Variants in AVEN observed in about 807,000 individuals in gnomAD.
AVEN encodes the protein cell death regulator Aven.
Under a neutral mutation model 38.1 loss-of-function variants are expected in AVEN, and 41 were observed. That is an observed-to-expected ratio of 1.08 (90% CI 0.84 to 1.40). The LOEUF (loss-of-function observed/expected upper bound fraction) is 1.40. AVEN is among the 40% of genes most tolerant of loss of function. The pLI, the probability that AVEN is intolerant of heterozygous loss-of-function variation, is 0.00. For synonymous variants in AVEN, 206 were observed against 171.8 expected (o/e 1.20, Z -1.56); for missense variants, 605 against 438.8 (o/e 1.38, Z -3.38).
chr15:34,029,001 A>G (rs72718678), intron 1 of AVEN, among the ~76,000 whole-genome samples: 23,153 of 152,136 alleles, frequency 0.15, 2,115 homozygotes, highest in Middle Eastern at 0.28. Context: ...TTTATTTACT[A>G]CCTTGAAATA....
At chr15:33,980,854 G>A (rs1012060923) in intron 2 of AVEN, among the ~76,000 whole-genome samples, 2 of 152,078 alleles carry the variant, frequency 1.3e-5, no homozygotes, top group Admixed American at 6.6e-5. Context: ...ATACCATTCT[G>A]ACTTCAAAAT....
intron 1 of AVEN, among the ~76,000 whole-genome samples, chr15:34,025,757 C>CGTGTGTGT (rs150188349): frequency 7.5e-6 from 1 of 132,940 alleles, no homozygotes; most frequent in Non-Finnish European, 1.7e-5. Flanking sequence ...TTTGGTTTTG[C>CGTGTGTGT]GTGTGTGTGT....
At chr15:33,874,194 A>G (rs1891127358) in intron 3 of AVEN, among the ~76,000 whole-genome samples, 1 of 152,136 alleles carries the variant, frequency 6.6e-6, no homozygotes, top group Non-Finnish European at 1.5e-5. Context: ...CTTTTTATTT[A>G]TTATCTAATT....
At chr15:33,889,461 A>G (rs1172115210) in intron 2 of AVEN, among the ~76,000 whole-genome samples, 1 of 152,164 alleles carries the variant, frequency 6.6e-6, no homozygotes, top group Admixed American at 6.5e-5. Context: ...CTAAAATAAT[A>G]TTAGACTAAT....
chr15:33,983,604 A>G (rs1490455555), intron 2 of AVEN, among the ~76,000 whole-genome samples: 2 of 152,120 alleles, frequency 1.3e-5, no homozygotes, highest in African/African-American at 4.8e-5. Flanking sequence ...GCATAGCCTC[A>G]AAACATTATT....
chr15:34,045,122 G>C (rs1899638007), intron 5 of AVEN, among the ~76,000 whole-genome samples: 1 of 152,108 alleles, frequency 6.6e-6, no homozygotes, highest in Admixed American at 6.6e-5. Flanking sequence ...ACCTGAATTT[G>C]GTCTAAAAAC....
intron 1 of AVEN, among the ~76,000 whole-genome samples, chr15:34,035,880 C>A (rs1176644715): frequency 1.3e-5 from 2 of 152,152 alleles, no homozygotes; most frequent in Admixed American, 6.5e-5. Context: ...CTGCAGCCTC[C>A]ACCTCCGGGG....
chr15:33,878,379 G>T (rs904653805), intron 2 of AVEN, among the ~76,000 whole-genome samples: 10 of 152,142 alleles, frequency 6.6e-5, no homozygotes, highest in African/African-American at 1.9e-4. Flanking sequence ...CTTAGATATC[G>T]TAAGAGCGGC....
intron 2 of AVEN, among the ~76,000 whole-genome samples, chr15:33,952,669 C>G (rs550098066): frequency 3.3e-5 from 5 of 152,180 alleles, no homozygotes; most frequent in African/African-American, 1.2e-4. Context: ...TTTACCTAAT[C>G]TTCTGAGATT....
chr15:33,918,284 T>C (rs576345898), intron 2 of AVEN, among the ~76,000 whole-genome samples: 1 of 152,062 alleles, frequency 6.6e-6, no homozygotes, highest in South Asian at 2.1e-4. Context: ...TAAATAACCA[T>C]AAATTTTAAG....
intron 11 of AVEN, chr15:33,861,075 T>G: frequency 6.3e-7 from 1 of 1,576,858 alleles, no homozygotes; most frequent in Non-Finnish European, 8.6e-7. Flanking sequence ...TTATTTTTCT[T>G]AGACTAAATG....
chr15:33,868,887 A>G (rs1326817465), intron 4 of AVEN, among the ~76,000 whole-genome samples: 3 of 152,134 alleles, frequency 2.0e-5, no homozygotes, highest in Non-Finnish European at 2.9e-5. Context: ...AATCGATGTT[A>G]TACTTTAATA....
intron 4 of AVEN, 146 bp from the exon 5 acceptor site, chr15:33,868,001 G>T: frequency 8.8e-7 from 1 of 1,133,582 alleles, no homozygotes; most frequent in Non-Finnish European, 1.2e-6. Flanking sequence ...TCCTTTCCAG[G>T]CCCTGGTGGG....
intron 2 of AVEN, among the ~76,000 whole-genome samples, chr15:33,886,486 G>A (rs1308720880): frequency 6.6e-6 from 1 of 152,092 alleles, no homozygotes; most frequent in Non-Finnish European, 1.5e-5. Context: ...TGTATTTTTA[G>A]TAGAGATGGG....
Position 34,032,946 on chromosome 15 carries a change from T to A in AVEN, c.267+5834A>T, listed in dbSNP as rs558774219. ...ATACAGTCATCACTTGACAGATTCT[T>A]AAAATACTTTAAAAATAACTTTTTG... On this transcript the variant is annotated intron_variant, in intron 1 of 5. Transcript: ENST00000306730. 5.3e-5 allele frequency among the ~76,000 whole-genome samples: 8 copies of A among 152,354 alleles called. No individual in the cohort carries two copies. The East Asian group carries it at 1.5e-3, about 29-fold the overall frequency.
chr15:33,857,368 C>G (rs1264692562), downstream of AVEN, among the ~76,000 whole-genome samples: 2 of 151,916 alleles, frequency 1.3e-5, no homozygotes, highest in African/African-American at 4.8e-5. Flanking sequence ...CTCTGTGTCT[C>G]CAACTCCTTT....
chr15:34,003,286 A>T, intron 1 of AVEN, 77 bp from the exon 2 acceptor site: 1 of 1,283,800 alleles, frequency 7.8e-7, no homozygotes, highest in Non-Finnish European at 1.1e-6. Context: ...AAAACAAAAA[A>T]GTACATGGAC....
At chr15:34,025,685 T>C (rs375441634) in intron 1 of AVEN, among the ~76,000 whole-genome samples, 12 of 152,280 alleles carry the variant, frequency 7.9e-5, no homozygotes, top group African/African-American at 2.9e-4. Flanking sequence ...TAAAGACGCA[T>C]CATATCCACC....
At chr15:33,958,849 G>C (rs934788249) in intron 2 of AVEN, among the ~76,000 whole-genome samples, 37 of 152,064 alleles carry the variant, frequency 2.4e-4, no homozygotes, top group African/African-American at 8.9e-4. Context: ...CTATGCCATA[G>C]GTGTGCTCGT....
Sources: gnomAD v4.1 joint callset for allele counts (sites outside exome capture counted in the v4.1 genomes callset) on GRCh38, gnomAD v4.1.1 for gene constraint, MANE v1.5 for transcripts, NCBI Gene and HGNC (gene_info 2026-07-23, HGNC 2026-07-21) for gene names.